UGGT2: variants seen among roughly 807,000 people sequenced by gnomAD.
The protein encoded by UGGT2 is UDP-glucose:glycoprotein glucosyltransferase 2.
A neutral mutation model predicts 192.1 loss-of-function variants in UGGT2; 180 were observed. That is an observed-to-expected ratio of 0.94 (90% CI 0.83 to 1.06). The LOEUF (loss-of-function observed/expected upper bound fraction) is 1.06. UGGT2 is among the 50% of genes least tolerant of loss of function. The probability of loss-of-function intolerance (pLI) is 0.00; values close to 1 mark genes in which losing one functional copy is unlikely to be tolerated. For synonymous variants in UGGT2, 580 were observed against 591.0 expected, an observed-to-expected ratio of 0.98 and a Z score of 0.27; for missense variants, 1,849 against 1,795.7, an observed-to-expected ratio of 1.03 and a Z score of -0.54.
chr13:95,916,922 TGG>T (rs1483216728), intron 20 of UGGT2, among the ~76,000 whole-genome samples: 1 of 150,236 alleles, frequency 6.7e-6, no homozygotes, highest in Non-Finnish European at 1.5e-5. Flanking sequence ...CTGTGACTGA[TGG>T]GGTACCTGAA....
intron 12 of UGGT2, among the ~76,000 whole-genome samples, chr13:95,962,042 C>T (rs1176097010): frequency 6.6e-6 from 1 of 152,006 alleles, no homozygotes; most frequent in African/African-American, 2.4e-5. Context: ...AACAAATGAA[C>T]ATGTAAACAC....
chr13:96,036,805 G>T (rs1400416319), intron 1 of UGGT2, among the ~76,000 whole-genome samples: 4 of 152,156 alleles, frequency 2.6e-5, no homozygotes, highest in Non-Finnish European at 4.4e-5. Context: ...TGTCACACAG[G>T]CTGGAGTGCA....
chr13:95,947,195 G>A (rs1266513971), intron 14 of UGGT2, 23 bp from the exon 15 acceptor site: 2 of 1,568,126 alleles, frequency 1.3e-6, no homozygotes, highest in East Asian at 4.5e-5. Context: ...GATGAACAAG[G>A]ACTGTTATAA....
chr13:95,844,355 TAGAG>T lies in UGGT2; in HGVS notation c.4285-7157_4285-7154del, dbSNP rs1041038332. ...GAAAGTCTAATAAATATAGAAAAAA[TAGAG>T]AGTAATGTTTTTATTGGAATTGCAT... On this transcript the variant is annotated intron_variant, in intron 36 of 38. Coordinates refer to ENST00000376747, the MANE Select transcript of UGGT2 (RefSeq NM_020121.4). Among the ~76,000 whole-genome samples, 6 of 152,278 alleles carry T rather than the reference TAGAG, an allele frequency of 3.9e-5. No homozygotes were observed. In the South Asian group the frequency reaches 1.0e-3, roughly 26 times the overall value.
intron 2 of UGGT2, among the ~76,000 whole-genome samples, chr13:96,031,342 G>A (rs182754628): frequency 2.0e-5 from 3 of 152,170 alleles, no homozygotes; most frequent in African/African-American, 7.2e-5. Context: ...GGGAGACAAG[G>A]CCTCTCTCTG....
At chr13:95,850,038 T>C (rs1004980343) in intron 36 of UGGT2, among the ~76,000 whole-genome samples, 3 of 151,996 alleles carry the variant, frequency 2.0e-5, no homozygotes, top group Admixed American at 1.3e-4. Flanking sequence ...TCTTGTCTTA[T>C]TGCATTAGCC....
At chr13:95,808,955 C>T (rs1884450746) in intron 38 of UGGT2, among the ~76,000 whole-genome samples, 2 of 152,168 alleles carry the variant, frequency 1.3e-5, no homozygotes, top group Non-Finnish European at 2.9e-5. Context: ...ACATTCAGTA[C>T]AGGACCGTGA....
chr13:95,883,982 C>T (rs2047567972), intron 27 of UGGT2, among the ~76,000 whole-genome samples: 1 of 147,086 alleles, frequency 6.8e-6, no homozygotes, highest in African/African-American at 2.5e-5. Flanking sequence ...GTATACCTGG[C>T]CTGTAGTATA....
chr13:95,813,172 G>C (rs1244358812), intron 38 of UGGT2, among the ~76,000 whole-genome samples: 1 of 152,128 alleles, frequency 6.6e-6, no homozygotes, highest in Non-Finnish European at 1.5e-5. Flanking sequence ...TTTGGAATTG[G>C]GTAATAGCAG....
rs773897055 is a variant in UGGT2 at position 95,867,344 on chromosome 13, C to CT, written c.3552dup (p.Val1185SerfsTer11). 1 of 1,606,080 alleles carries CT rather than the reference C, an allele frequency of 6.2e-7. No homozygotes were observed. The highest frequency in any genetic ancestry group is 1.1e-5 in the South Asian group (1 of 89,092). ...AAAGTTCTGCCCCCACATACTTTTA[C>CT]TTTGAGTATCTTGCTTTTGAAGCTG... On this transcript the variant is annotated frameshift_variant, in exon 30 of 39. Coordinates refer to ENST00000376747, the MANE Select transcript of UGGT2 (RefSeq NM_020121.4). LOFTEE classifies it high-confidence loss of function.
At chr13:95,902,134 G>T (rs2048121209) in intron 21 of UGGT2, among the ~76,000 whole-genome samples, 1 of 152,078 alleles carries the variant, frequency 6.6e-6, no homozygotes, top group African/African-American at 2.4e-5. Context: ...TACGACCAAG[G>T]CTGATCTCAC....
intron 15 of UGGT2, among the ~76,000 whole-genome samples, chr13:95,940,471 T>C (rs990148094): frequency 6.7e-6 from 1 of 149,744 alleles, no homozygotes; most frequent in Non-Finnish European, 1.5e-5. Flanking sequence ...TTTTTTTTTT[T>C]TTGAGACAGG....
chr13:95,847,368 G>A lies in UGGT2; in HGVS notation c.4284+6175C>T, dbSNP rs146208708. 1.8e-3 allele frequency among the ~76,000 whole-genome samples: 271 copies of A among 151,984 alleles called. 2 individuals are homozygous for A. Among genetic ancestry groups the A allele is most frequent in the African/African-American group, 5.7e-3 (236 of 41,442 alleles). ...TCTTTCTTGGTGTTGTACATTCTAC[G>A]GGTTTGGACAACTGTATAATGACAT... On this transcript the variant is annotated intron_variant, in intron 36 of 38. Transcript: ENST00000376747.
rs201370623 is a variant in UGGT2, at chr13:96,004,859, TTCTC to T, written c.661-5556_661-5553del. 9.6e-3 allele frequency among the ~76,000 whole-genome samples: 1,467 copies of T among 152,210 alleles called. 23 individuals are homozygous for T. The highest frequency in any genetic ancestry group is 0.034 in the African/African-American group (1,401 of 41,538). ...CTCTCAGAACTAGAATGTCTCATCT[TTCTC>T]TTTCTTCAGTGGACAGATATCAGAG... On this transcript the variant is annotated intron_variant, in intron 5 of 38. Transcript: ENST00000376747.
intron 36 of UGGT2, among the ~76,000 whole-genome samples, chr13:95,853,277 C>A (rs1889239241): frequency 6.6e-6 from 1 of 151,970 alleles, no homozygotes; most frequent in Non-Finnish European, 1.5e-5. Flanking sequence ...TGAGAACGGA[C>A]TAATACAAAG....
chr13:96,029,042 T>C lies in UGGT2; in HGVS notation c.241+2847A>G, dbSNP rs2052750679. On this transcript the variant is annotated intron_variant, in intron 2 of 38. Coordinates refer to ENST00000376747, the MANE Select transcript of UGGT2 (RefSeq NM_020121.4). ...GGTGGGCACCTGTAGCCCCAGCTAC[T>C]TCAGAGGCTTAGGTGGGAGAATGGT... is the stretch of plus-strand genomic sequence containing the variant. Among the ~76,000 whole-genome samples the C allele has an allele frequency of 2.0e-5, 3 of 151,620 alleles. No homozygotes were observed. The South Asian group carries it at 6.2e-4, about 32-fold the overall frequency.
intron 36 of UGGT2, among the ~76,000 whole-genome samples, chr13:95,843,684 TA>T (rs1204333761): frequency 6.6e-6 from 1 of 152,050 alleles, no homozygotes; most frequent in East Asian, 1.9e-4. Context: ...TTTTTTGGCA[TA>T]AGGATATCTA....
In UGGT2 at chr13:95,803,347, G is replaced by A. The variant is rs539860510; in HGVS notation, c.4529-1535C>T. ...GTGATCTCAGCTCACCGCAACCTCC[G>A]CCTCCCGGGTTCAAGCAATTCTCCT... On this transcript the variant is annotated intron_variant, in intron 38 of 38. Transcript: ENST00000376747. 1.2e-4 allele frequency among the ~76,000 whole-genome samples: 18 copies of A among 151,868 alleles called. No individual in the cohort carries two copies. The South Asian group carries it at 2.5e-3, about 21-fold the overall frequency.
chr13:95,838,408 T>C (rs1485376443), intron 36 of UGGT2, among the ~76,000 whole-genome samples: 3 of 152,092 alleles, frequency 2.0e-5, no homozygotes, highest in African/African-American at 7.2e-5. Context: ...ACAATCCCAA[T>C]CAAAGGCTTA....
Sources: gnomAD v4.1 joint callset for allele counts (sites outside exome capture counted in the v4.1 genomes callset) on GRCh38, gnomAD v4.1.1 for gene constraint, MANE v1.5 for transcripts, NCBI Gene and HGNC (gene_info 2026-07-23, HGNC 2026-07-21) for gene names.